The following DENND1A variants were observed in gnomAD, a reference collection of about 807,000 sequenced individuals.
DENND1A encodes the protein DENN domain containing 1A.
A neutral mutation model predicts 113.7 loss-of-function variants in DENND1A; 51 were observed. The ratio of observed to expected loss-of-function variants is 0.45; its 90% CI spans 0.36 to 0.57. The LOEUF (loss-of-function observed/expected upper bound fraction) is 0.57. DENND1A is among the 20% of genes least tolerant of loss of function. The probability of loss-of-function intolerance (pLI) is 0.00; values close to 1 mark genes in which losing one functional copy is unlikely to be tolerated. For synonymous variants in DENND1A, 565 were observed against 570.8 expected (o/e 0.99, Z 0.14); for missense variants, 1,258 against 1,395.9 (o/e 0.90, Z 1.57).
intron 8 of DENND1A, among the ~76,000 whole-genome samples, chr9:123,658,593 G>T (rs1003399280): frequency 1.3e-5 from 2 of 152,186 alleles, no homozygotes; most frequent in African/African-American, 4.8e-5. Context: ...AAAGGGAAAA[G>T]AATTAATTTT....
intron 21 of DENND1A, among the ~76,000 whole-genome samples, chr9:123,398,953 C>T (rs1048173035): frequency 6.6e-6 from 1 of 151,840 alleles, no homozygotes; most frequent in South Asian, 2.1e-4. Flanking sequence ...TATCACCACA[C>T]CCAGCTAATT....
At chr9:123,513,691 C>T (rs1441491347) in intron 13 of DENND1A, among the ~76,000 whole-genome samples, 1 of 152,202 alleles carries the variant, frequency 6.6e-6, no homozygotes, top group Admixed American at 6.5e-5. Context: ...CAGCATCATA[C>T]CAAGACTTGC....
intron 5 of DENND1A, among the ~76,000 whole-genome samples, chr9:123,711,434 C>T (rs1470561729): frequency 7.0e-6 from 1 of 143,258 alleles, no homozygotes; most frequent in Non-Finnish European, 1.5e-5. Context: ...CCACTGCACT[C>T]CAGCCTGGAG....
intron 5 of DENND1A, among the ~76,000 whole-genome samples, chr9:123,709,352 G>A (rs530888157): frequency 4.6e-5 from 7 of 152,238 alleles, no homozygotes; most frequent in South Asian, 2.1e-4. Context: ...TAGAATTCTC[G>A]TAATGATCAA....
chr9:123,590,771 T>C (rs1248939230), intron 11 of DENND1A, among the ~76,000 whole-genome samples: 1 of 152,192 alleles, frequency 6.6e-6, no homozygotes. Context: ...CATTGAACCA[T>C]ATACTTTAAG....
At chr9:123,524,947 C>T (rs994070407) in intron 13 of DENND1A, among the ~76,000 whole-genome samples, 2 of 152,186 alleles carry the variant, frequency 1.3e-5, no homozygotes, top group African/African-American at 4.8e-5. Context: ...TAGAGAATTG[C>T]ATTTTAATAA....
At chr9:123,841,979 A>C (rs1433285490) in intron 2 of DENND1A, among the ~76,000 whole-genome samples, 1 of 152,212 alleles carries the variant, frequency 6.6e-6, no homozygotes. Context: ...TGAATTTCAG[A>C]TACTTTTCAG....
At chr9:123,450,822 T>A (rs913878482) in intron 17 of DENND1A, 73 bp from the exon 18 acceptor site, 3 of 1,265,572 alleles carry the variant, frequency 2.4e-6, no homozygotes, top group East Asian at 4.8e-5. Context: ...TTTCAGTCCA[T>A]CGAGAATCAC....
At chr9:123,738,161 A>C (rs2068709347) in intron 5 of DENND1A, among the ~76,000 whole-genome samples, 1 of 152,236 alleles carries the variant, frequency 6.6e-6, no homozygotes, top group East Asian at 1.9e-4. Context: ...AATGTAAAAC[A>C]TATTTAAACT....
At chr9:123,469,988 T>C (rs1239077805) in intron 13 of DENND1A, among the ~76,000 whole-genome samples, 1 of 152,194 alleles carries the variant, frequency 6.6e-6, no homozygotes, top group Non-Finnish European at 1.5e-5. Flanking sequence ...GTATTTGACA[T>C]ATCAATGGCC....
Position 123,381,231 on chromosome 9 carries a change from C to A in DENND1A, c.*201G>T, listed in dbSNP as rs922375671. The stretch of plus-strand genomic sequence containing the variant: ...TGGGCACTCAGGAACTGGGTTGATT[C>A]CCAGGCTGGAACTGGTGCCATTCCC... On this transcript the variant is annotated 3_prime_UTR_variant, in exon 24 of 24. Coordinates refer to ENST00000394215, the MANE Select transcript of DENND1A (RefSeq NM_001352964.2). This position sits in a 1 kb window ranked among gnomAD's most constrained non-coding sequence, Gnocchi z 4.7. The A allele has an allele frequency of 1.1e-4, 67 of 617,264 alleles. No individual in the cohort carries two copies. The highest frequency in any genetic ancestry group is 8.7e-4 in the Middle Eastern group (2 of 2,298). The allele number at this position is 617,264 out of a possible 1,614,324, so 38.2% of individuals were successfully genotyped here. A position where few individuals can be genotyped will look rare whatever the true frequency, so the allele number is the denominator to read the frequency against.
At chr9:123,897,514 G>T (rs1850944526) in intron 1 of DENND1A, among the ~76,000 whole-genome samples, 1 of 152,212 alleles carries the variant, frequency 6.6e-6, no homozygotes, top group Non-Finnish European at 1.5e-5. Flanking sequence ...TCACTGCGAA[G>T]CCCAGACTAC....
At chr9:123,894,164 G>A (rs763255164) in intron 1 of DENND1A, among the ~76,000 whole-genome samples, 9 of 152,254 alleles carry the variant, frequency 5.9e-5, no homozygotes, top group East Asian at 5.8e-4. Flanking sequence ...TTAAACAAGC[G>A]CTTGGTGAAT....
chr9:123,836,735 A>G (rs905575171), intron 2 of DENND1A, among the ~76,000 whole-genome samples: 6 of 152,108 alleles, frequency 3.9e-5, no homozygotes, highest in African/African-American at 1.4e-4. Flanking sequence ...ACAGGTATAC[A>G]TTTTTATAAA....
intron 2 of DENND1A, among the ~76,000 whole-genome samples, chr9:123,798,915 GTTTT>G (rs1189848300): frequency 1.3e-5 from 2 of 151,970 alleles, no homozygotes; most frequent in African/African-American, 4.8e-5. Context: ...TTATAGATGA[GTTTT>G]TTTATGATTA....
At chr9:123,386,381 C>CTTTCTT (rs2042562262) in intron 22 of DENND1A, among the ~76,000 whole-genome samples, 1 of 135,182 alleles carries the variant, frequency 7.4e-6, no homozygotes, top group Non-Finnish European at 1.6e-5. Flanking sequence ...TCTTTTCTTT[C>CTTTCTT]TTTTTTTTTT....
intron 6 of DENND1A, among the ~76,000 whole-genome samples, chr9:123,675,896 C>T (rs1020687632): frequency 2.0e-5 from 3 of 152,068 alleles, no homozygotes; most frequent in Non-Finnish European, 2.9e-5. Context: ...GGAAACAATC[C>T]AAAATGAAGA....
chr9:123,553,491 T>C (rs1227703956), intron 13 of DENND1A, among the ~76,000 whole-genome samples: 4 of 151,100 alleles, frequency 2.6e-5, no homozygotes, highest in Non-Finnish European at 5.9e-5. Flanking sequence ...GCTCAGCCAC[T>C]GTCAATGATG....
At chr9:123,918,415 G>A (rs1255437852) in intron 1 of DENND1A, among the ~76,000 whole-genome samples, 1 of 151,060 alleles carries the variant, frequency 6.6e-6, no homozygotes, top group African/African-American at 2.4e-5. Context: ...GTGAACCCGG[G>A]AGGCGGAGCT....
Sources: gnomAD v4.1 joint callset for allele counts (sites outside exome capture counted in the v4.1 genomes callset) on GRCh38, gnomAD v4.1.1 for gene constraint, Gnocchi (gnomAD v3.1) non-coding constraint, MANE v1.5 for transcripts, NCBI Gene and HGNC (gene_info 2026-07-23, HGNC 2026-07-21) for gene names.